Variants in GPM6A observed in about 807,000 individuals in gnomAD.
GPM6A encodes glycoprotein M6A.
Under a neutral mutation model 32.1 loss-of-function variants are expected in GPM6A, and 7 were observed. That is an observed-to-expected ratio of 0.22 (90% CI 0.12 to 0.41). The LOEUF is 0.41. GPM6A is among the 10% of genes least tolerant of loss of function. The probability of loss-of-function intolerance (pLI) is 1.00; values close to 1 mark genes in which losing one functional copy is unlikely to be tolerated. For synonymous variants in GPM6A, 130 were observed against 123.4 expected, an observed-to-expected ratio of 1.05 and a Z score of -0.35; for missense variants, 235 against 347.2, an observed-to-expected ratio of 0.68 and a Z score of 2.57.
chr4:175,758,960 T>A (rs752278342), intron 1 of GPM6A, among the ~76,000 whole-genome samples: 3 of 152,188 alleles, frequency 2.0e-5, no homozygotes, highest in Non-Finnish European at 4.4e-5. Context: ...ATTGCTAGAA[T>A]CTACTCTCCT....
chr4:175,670,004 G>GAAAAAA lies in GPM6A; in HGVS notation c.387+3670_387+3675dup, dbSNP rs533205454. Among the ~76,000 whole-genome samples, 1,171 of 143,592 alleles carry GAAAAAA rather than the reference G, an allele frequency of 8.2e-3. 12 individuals carry two copies. Among genetic ancestry groups the GAAAAAA allele is most frequent in the African/African-American group, 0.027 (1,072 of 39,388 alleles). The allele number at this position is 143,592 out of a possible 152,430, so 94.2% of individuals were successfully genotyped here. ...ACCGGGTGTTCTTTACAGCCCTCAG[G>GAAAAAA]AAAAAAAAAAAATCAACCCGGTGAC... is the stretch of plus-strand genomic sequence containing the variant. On this transcript the variant is annotated intron_variant, in intron 3 of 6. Transcript: ENST00000393658.
chr4:175,965,527 C>T (rs190485147), intron 1 of GPM6A, among the ~76,000 whole-genome samples: 117 of 151,294 alleles, frequency 7.7e-4, no homozygotes, highest in Admixed American at 1.4e-3. Flanking sequence ...ATCAATAAAA[C>T]GGATACACCT....
chr4:175,877,411 C>A (rs1207936888), intron 1 of GPM6A, among the ~76,000 whole-genome samples: 3 of 152,138 alleles, frequency 2.0e-5, no homozygotes, highest in Non-Finnish European at 2.9e-5. Flanking sequence ...TGAAGAAATA[C>A]CCAAGACTAG....
intron 1 of GPM6A, among the ~76,000 whole-genome samples, chr4:175,911,501 T>C (rs1040435145): frequency 6.6e-6 from 1 of 152,158 alleles, no homozygotes; most frequent in Non-Finnish European, 1.5e-5. Context: ...AATAGGAGTA[T>C]TGGCATAGAT....
At chr4:175,740,491 G>A (rs1186972181) in intron 1 of GPM6A, among the ~76,000 whole-genome samples, 2 of 151,950 alleles carry the variant, frequency 1.3e-5, no homozygotes, top group African/African-American at 4.8e-5. Context: ...TTTCTCAGTG[G>A]AGAAAAATCT....
chr4:175,986,457 G>A (rs934255691), intron 1 of GPM6A, among the ~76,000 whole-genome samples: 1 of 151,996 alleles, frequency 6.6e-6, no homozygotes, highest in Non-Finnish European at 1.5e-5. Context: ...GATTGCTTGA[G>A]CCCAGAAGAG....
At chr4:175,853,313 T>A (rs866991835) in intron 1 of GPM6A, among the ~76,000 whole-genome samples, 5 of 152,170 alleles carry the variant, frequency 3.3e-5, no homozygotes, top group African/African-American at 9.6e-5. Context: ...AAAAAGATTA[T>A]TTAATAAAAT....
At chr4:175,829,579 TC>T in intron 1 of GPM6A, among the ~76,000 whole-genome samples, 1 of 150,500 alleles carries the variant, frequency 6.6e-6, no homozygotes, top group South Asian at 2.1e-4. Flanking sequence ...TTTAGCAGTT[TC>T]CAGGTTTTGC....
chr4:175,796,261 T>C (rs969396280), intron 1 of GPM6A, among the ~76,000 whole-genome samples: 5 of 152,172 alleles, frequency 3.3e-5, no homozygotes, highest in Admixed American at 3.3e-4. Context: ...TTACATATAA[T>C]CACAAACATT....
chr4:175,634,899 A>T lies in GPM6A; in HGVS notation c.*6T>A. 1 of 1,611,070 alleles carries T rather than the reference A, an allele frequency of 6.2e-7. No homozygotes were observed. On this transcript the variant is annotated 3_prime_UTR_variant, in exon 7 of 7. Transcript: ENST00000393658. Reference sequence around the variant, plus strand: ...TTCAAATGGTAGAAAGAACAGGAAGATGCATTTATGTGTATGCATTGAGCC... The same window carrying T: ...TTCAAATGGTAGAAAGAACAGGAAGTTGCATTTATGTGTATGCATTGAGCC...
chr4:175,984,521 A>T (rs1190204665), intron 1 of GPM6A, among the ~76,000 whole-genome samples: 1 of 151,890 alleles, frequency 6.6e-6, no homozygotes, highest in African/African-American at 2.4e-5. Flanking sequence ...TTTCTTAGTG[A>T]TGTATAAGTT....
chr4:175,803,206 AG>A (rs1290111638), intron 1 of GPM6A, among the ~76,000 whole-genome samples: 2 of 141,524 alleles, frequency 1.4e-5, no homozygotes, highest in Non-Finnish European at 3.1e-5. Flanking sequence ...CATCATCATC[AG>A]CTATGAATGG....
intron 1 of GPM6A, among the ~76,000 whole-genome samples, chr4:175,989,025 GA>G (rs1741060735): frequency 6.6e-6 from 1 of 152,034 alleles, no homozygotes; most frequent in Admixed American, 6.6e-5. Context: ...GTCTTTGGAG[GA>G]ATTGGAAGAT....
At chr4:175,874,733 A>G (rs1349504822) in intron 1 of GPM6A, among the ~76,000 whole-genome samples, 1 of 152,208 alleles carries the variant, frequency 6.6e-6, no homozygotes, top group Admixed American at 6.5e-5. Context: ...ATTTCCAGAA[A>G]GGTAGATGGC....
chr4:175,874,248 A>G (rs1214678669), intron 1 of GPM6A, among the ~76,000 whole-genome samples: 1 of 152,216 alleles, frequency 6.6e-6, no homozygotes, highest in Non-Finnish European at 1.5e-5. Context: ...ATCATTGATG[A>G]GCACCCACAT....
At chr4:175,889,812 C>CAAAAA in intron 1 of GPM6A, among the ~76,000 whole-genome samples, 1 of 149,682 alleles carries the variant, frequency 6.7e-6, no homozygotes, top group East Asian at 2.0e-4. Flanking sequence ...GACTCCGTCT[C>CAAAAA]AAACAAAACA....
chr4:175,817,248 A>G (rs1244169245), upstream of GPM6A, among the ~76,000 whole-genome samples: 1 of 152,270 alleles, frequency 6.6e-6, no homozygotes, highest in East Asian at 1.9e-4. Flanking sequence ...TCAGAGTTAC[A>G]TAATCATAGA....
chr4:175,891,367 G>C (rs1043634701), intron 1 of GPM6A: 5 of 152,114 alleles, frequency 3.3e-5, no homozygotes, highest in Non-Finnish European at 5.9e-5. Context: ...TTTTAGGTAA[G>C]ATTTGATAAG....
At chr4:175,951,147 T>A (rs983560734) in intron 1 of GPM6A, among the ~76,000 whole-genome samples, 20 of 152,162 alleles carry the variant, frequency 1.3e-4, no homozygotes, top group African/African-American at 4.6e-4. Flanking sequence ...GAAAGCTTCA[T>A]CTATCATCCT....
Sources: allele counts gnomAD v4.1 joint callset (sites outside exome capture counted in the v4.1 genomes callset), GRCh38; gene constraint gnomAD v4.1.1; transcripts MANE v1.5; gene names NCBI Gene and HGNC (gene_info 2026-07-23, HGNC 2026-07-21).